The following DAGLB variants were observed in gnomAD, a reference collection of about 807,000 sequenced individuals.
The protein encoded by DAGLB is diacylglycerol lipase beta.
In DAGLB, 66 loss-of-function variants were observed where a neutral mutation model predicts 72.1. That is an observed-to-expected ratio of 0.92 (90% CI 0.75 to 1.12). DAGLB has a LOEUF of 1.12. Among genes scored for constraint, DAGLB ranks in the 50% most tolerant of loss-of-function variants. The pLI, the probability that DAGLB is intolerant of heterozygous loss-of-function variation, is 0.00. For missense variants in DAGLB, 1,065 were observed against 884.9 expected, an observed-to-expected ratio of 1.20 and a Z score of -2.58; for synonymous variants, 414 against 359.5, an observed-to-expected ratio of 1.15 and a Z score of -1.71.
intron 2 of DAGLB, among the ~76,000 whole-genome samples, chr7:6,444,981 C>T (rs1204905862): frequency 6.7e-6 from 1 of 149,660 alleles, no homozygotes; most frequent in African/African-American, 2.4e-5. Context: ...CTATAATTAA[C>T]AAGTCATATA....
rs146016863 is a variant in DAGLB, at chr7:6,438,843, G to T, written c.248-2310C>A. On this transcript the variant is annotated intron_variant, in intron 2 of 14. Transcript: ENST00000297056. ...GGGAACACAGAGAGACCTCATCTCT[G>T]ATTATTTTTTAAAAAAGATAATGAT... 7.2e-4 allele frequency among the ~76,000 whole-genome samples: 109 copies of T among 151,252 alleles called. No individual in the cohort carries two copies. In the Middle Eastern group the frequency reaches 0.014, roughly 19 times the overall value.
chr7:6,441,371 G>A (rs560067338), intron 2 of DAGLB, among the ~76,000 whole-genome samples: 3 of 150,416 alleles, frequency 2.0e-5, no homozygotes, highest in East Asian at 2.0e-4. Flanking sequence ...GATTACAGGC[G>A]TGAGCCACCG....
At chr7:6,443,985 G>A (rs1784916731) in intron 2 of DAGLB, among the ~76,000 whole-genome samples, 1 of 152,164 alleles carries the variant, frequency 6.6e-6, no homozygotes, top group South Asian at 2.1e-4. Flanking sequence ...AAGAATAGGT[G>A]ATCAGACGCG....
chr7:6,420,226 G>C (rs986474016), intron 9 of DAGLB, among the ~76,000 whole-genome samples: 10 of 152,028 alleles, frequency 6.6e-5, no homozygotes, highest in African/African-American at 2.4e-4. Context: ...TGGATCACGA[G>C]GTCAAGAGAT....
Position 6,447,849 on chromosome 7 carries a change from G to A in DAGLB, c.-7C>T, listed in dbSNP as rs754484041. 1.2e-6 allele frequency: 2 copies of A among 1,608,510 alleles called. No homozygotes were observed. Among genetic ancestry groups the A allele is most frequent in the East Asian group, 2.2e-5 (1 of 44,608 alleles). Reference sequence around the variant, plus strand: ...AGAGTACCATCCCCGGCATGGCGAAGGTCCCGTAGCTCGCACTCAGGAGAG... The same window carrying A: ...AGAGTACCATCCCCGGCATGGCGAAAGTCCCGTAGCTCGCACTCAGGAGAG... On this transcript the variant is annotated 5_prime_UTR_variant, in exon 1 of 15. Coordinates refer to ENST00000297056, the MANE Select transcript of DAGLB (RefSeq NM_139179.4).
At chr7:6,424,651 T>G in intron 8 of DAGLB, 101 bp downstream of exon 8, 1 of 1,107,368 alleles carries the variant, frequency 9.0e-7, no homozygotes, top group Non-Finnish European at 1.4e-6. Context: ...CATTTTCCCC[T>G]GTGTCTCATG....
chr7:6,442,703 G>A (rs191604878), intron 2 of DAGLB, among the ~76,000 whole-genome samples: 134 of 152,280 alleles, frequency 8.8e-4, no homozygotes, highest in Non-Finnish European at 1.7e-3. Flanking sequence ...CAACACAAAC[G>A]TGGAGCCTCC....
At chr7:6,430,250 CATATATATATATATATATATAT>C (rs57374634) in intron 6 of DAGLB, among the ~76,000 whole-genome samples, 8 of 45,738 alleles carry the variant, frequency 1.7e-4, no homozygotes, top group Non-Finnish European at 3.0e-4. Flanking sequence ...AATACATGTG[CATATATATATATATATATATAT>C]ATATATATAT....
rs770763482 is a variant in DAGLB, at chr7:6,430,460, C to G, written c.929+20G>C. On this transcript the variant is annotated intron_variant, in intron 6 of 14. Transcript: ENST00000297056. The stretch of plus-strand genomic sequence containing the variant: ...TTTAAGGGAAATATGGCTATGGAGG[C>G]TCAGACTGTGCCAACCCACCAGTCA... 1.0e-5 allele frequency: 15 copies of G among 1,490,192 alleles called. No individual in the cohort carries two copies. The highest frequency in any genetic ancestry group is 1.2e-5 in the Non-Finnish European group (13 of 1,110,592). 92.3% of individuals were successfully genotyped at this position (1,490,192 alleles called of 1,614,324 possible).
chr7:6,445,925 G>T (rs73342964), intron 2 of DAGLB, 28 bp downstream of exon 2: 181,781 of 1,559,392 alleles, frequency 0.12, 11,568 homozygotes, highest in Admixed American at 0.21. Context: ...AAAAAAATAG[G>T]TATCAAATAG....
intron 2 of DAGLB, among the ~76,000 whole-genome samples, chr7:6,441,615 C>T (rs1784836590): frequency 6.6e-6 from 1 of 150,724 alleles, no homozygotes; most frequent in African/African-American, 2.5e-5. Flanking sequence ...GACGGGGTTT[C>T]ACCGTGTTAG....
Position 6,410,082 on chromosome 7 carries a change from C to A in DAGLB, c.1821-47G>T, listed in dbSNP as rs747903762. On this transcript the variant is annotated intron_variant, in intron 14 of 14. Coordinates refer to ENST00000297056, the MANE Select transcript of DAGLB (RefSeq NM_139179.4). ...AGCTCCCACGCGGCCCCAGGGCTGACCCCGCGCTGCTCCTGCCTGCCCACC... is the reference window on the plus strand; with the variant it reads ...AGCTCCCACGCGGCCCCAGGGCTGAACCCGCGCTGCTCCTGCCTGCCCACC... The A allele has an allele frequency of 1.9e-5, 30 of 1,588,146 alleles. No homozygotes were observed. The South Asian group carries it at 3.4e-4, about 18-fold the overall frequency.
intron 2 of DAGLB, among the ~76,000 whole-genome samples, chr7:6,439,053 G>A (rs1007676592): frequency 6.6e-6 from 1 of 152,006 alleles, no homozygotes; most frequent in African/African-American, 2.4e-5. Flanking sequence ...TCAGGAGTTT[G>A]AGACCAGCCT....
intron 10 of DAGLB, 38 bp downstream of exon 10, chr7:6,416,803 A>T (rs776029784): frequency 6.2e-7 from 1 of 1,614,054 alleles, no homozygotes; most frequent in African/African-American, 1.3e-5. Flanking sequence ...CAACAGCTCC[A>T]AAGAGGACAA....
chr7:6,418,706 C>T (rs1403559904), intron 9 of DAGLB, among the ~76,000 whole-genome samples: 1 of 151,888 alleles, frequency 6.6e-6, no homozygotes, highest in Non-Finnish European at 1.5e-5. Flanking sequence ...GCTTTGTCGC[C>T]CAGGCTGGAG....
chr7:6,441,957 C>G (rs1003531670), intron 2 of DAGLB, among the ~76,000 whole-genome samples: 1 of 152,058 alleles, frequency 6.6e-6, no homozygotes, highest in African/African-American at 2.4e-5. Flanking sequence ...TCTCCTTGTG[C>G]TTCTCCCAGC....
At chr7:6,412,256 G>A (rs1025950297) in intron 13 of DAGLB, among the ~76,000 whole-genome samples, 3 of 152,076 alleles carry the variant, frequency 2.0e-5, no homozygotes, top group Non-Finnish European at 2.9e-5. Flanking sequence ...AACCCTTGAC[G>A]TGGACATATA....
At chr7:6,412,405 A>C (rs892788219) in intron 13 of DAGLB, among the ~76,000 whole-genome samples, 6 of 152,220 alleles carry the variant, frequency 3.9e-5, no homozygotes, top group African/African-American at 1.2e-4. Context: ...GTCACAAGAC[A>C]GGACTAAGAA....
intron 9 of DAGLB, among the ~76,000 whole-genome samples, chr7:6,420,312 CG>C (rs1423522062): frequency 6.6e-6 from 1 of 151,786 alleles, no homozygotes; most frequent in Admixed American, 6.6e-5. Context: ...TGGTGACGTG[CG>C]CCTGTAGTCC....
Sources: gnomAD v4.1 joint callset for allele counts (sites outside exome capture counted in the v4.1 genomes callset) on GRCh38, gnomAD v4.1.1 for gene constraint, MANE v1.5 for transcripts, NCBI Gene and HGNC (gene_info 2026-07-23, HGNC 2026-07-21) for gene names.